The following TTLL11 variants were observed in gnomAD, a reference collection of about 807,000 sequenced individuals.
TTLL11 encodes the protein tubulin tyrosine ligase like 11.
TTLL11 carries 42 observed loss-of-function variants against 51.7 expected under a neutral mutation model. The ratio of observed to expected loss-of-function variants is 0.81; its 90% confidence interval spans 0.64 to 1.05. TTLL11 has a LOEUF of 1.05. Among genes scored for constraint, TTLL11 ranks in the 50% least tolerant of loss-of-function variants. The pLI, the probability that TTLL11 is intolerant of heterozygous loss-of-function variation, is 0.00. For missense variants in TTLL11, 799 were observed against 940.4 expected, an observed-to-expected ratio of 0.85 and a Z score of 1.97; for synonymous variants, 381 against 383.5, an observed-to-expected ratio of 0.99 and a Z score of 0.08.
intron 3 of TTLL11, among the ~76,000 whole-genome samples, chr9:122,010,479 A>C (rs1003691711): frequency 1.3e-4 from 20 of 152,186 alleles, no homozygotes; most frequent in African/African-American, 4.6e-4. Flanking sequence ...TGGATGGTCT[A>C]TGTCTGCTTT....
intron 8 of TTLL11, among the ~76,000 whole-genome samples, chr9:121,838,239 G>A (rs537898323): frequency 6.6e-6 from 1 of 152,210 alleles, no homozygotes; most frequent in Admixed American, 6.5e-5. Context: ...AGAAGCCTGA[G>A]GTCATTTTTG....
intron 6 of TTLL11, among the ~76,000 whole-genome samples, chr9:121,930,090 T>A (rs1840907921): frequency 6.6e-6 from 1 of 152,222 alleles, no homozygotes; most frequent in Admixed American, 6.5e-5. Context: ...ATTTGAGAGC[T>A]AGAAGAGTTC....
At chr9:121,971,433 G>A (rs1474650315) in intron 6 of TTLL11, among the ~76,000 whole-genome samples, 2 of 118,558 alleles carry the variant, frequency 1.7e-5, no homozygotes, top group African/African-American at 2.9e-5. Flanking sequence ...CGCCCCGTCC[G>A]GGAGGGAGGT....
rs144408625 is a variant in TTLL11 at position 121,996,779 on chromosome 9, G to A, written c.694-7009C>T. ...GGAATAAGTACTCTCTTTCATTCTC[G>A]TTCTGAACACATTTGTTTGCTGCTA... is the stretch of plus-strand genomic sequence containing the variant. On this transcript the variant is annotated intron_variant, in intron 3 of 8. Coordinates refer to ENST00000321582, the MANE Select transcript of TTLL11 (RefSeq NM_001139442.2). Among the ~76,000 whole-genome samples, 195 of 152,252 alleles carry A rather than the reference G, an allele frequency of 1.3e-3. No individual in the cohort carries two copies. The South Asian group carries it at 0.013, about 10-fold the overall frequency.
intron 3 of TTLL11, among the ~76,000 whole-genome samples, chr9:122,029,800 C>T (rs894435484): frequency 6.6e-6 from 1 of 152,178 alleles, no homozygotes; most frequent in Non-Finnish European, 1.5e-5. Flanking sequence ...TTACCATTCA[C>T]TCACAGACTC....
intron 6 of TTLL11, among the ~76,000 whole-genome samples, chr9:121,940,337 TTC>T (rs1017525847): frequency 7.0e-6 from 1 of 143,504 alleles, no homozygotes; most frequent in African/African-American, 2.7e-5. Flanking sequence ...ATCTATAACT[TTC>T]TCTCTTTTTT....
chr9:122,059,882 G>A (rs367901870), intron 1 of TTLL11, among the ~76,000 whole-genome samples: 45 of 152,294 alleles, frequency 3.0e-4, no homozygotes, highest in African/African-American at 1.0e-3. Flanking sequence ...GCGGGACTGA[G>A]ATCCTTATTT....
intron 8 of TTLL11, among the ~76,000 whole-genome samples, chr9:121,854,685 C>T (rs115338647): frequency 0.017 from 2,543 of 152,226 alleles, 73 homozygotes; most frequent in African/African-American, 0.056. Context: ...TCTCTTACCA[C>T]GGAGATGTGA....
Position 121,989,398 on chromosome 9 carries a change from G to T in TTLL11, c.1066C>A (p.His356Asn), listed in dbSNP as rs1483691928. ...CTGCCAGTGCTAGCACTGTCCGAGT[G>T]GATGAAGTTGCCGCTGTGGATGTTC... is the stretch of plus-strand genomic sequence containing the variant. ...SLNIHSGNFI[H>N]SDSASTGSKR... is the part of the protein sequence containing the mutation. The change falls in exon 4 of 9, where the codon CAC (histidine) becomes AAC (asparagine). Residue 356 changes from histidine to asparagine, a missense_variant. Physicochemically the swap from His to Asn is moderately conservative, Grantham distance 68. This residue lies in a region of TTLL11 where 468 missense variants were observed against 612.8 expected (regional missense o/e 0.76). Transcript: ENST00000321582. This position sits in a 1 kb window ranked among gnomAD's most constrained non-coding sequence, Gnocchi z 4.2. 6.2e-7 allele frequency: 1 copy of T among 1,614,172 alleles called. No individual in the cohort carries two copies. The highest frequency in any genetic ancestry group is 2.2e-5 in the East Asian group (1 of 44,876).
intron 3 of TTLL11, among the ~76,000 whole-genome samples, chr9:122,011,328 T>G (rs4620347): frequency 0.44 from 66,613 of 151,976 alleles, 17,724 homozygotes; most frequent in East Asian, 0.61. Flanking sequence ...ATAGCCTTAT[T>G]TTATTCTCCT....
intron 1 of TTLL11, among the ~76,000 whole-genome samples, chr9:122,042,019 T>G (rs917534476): frequency 6.6e-5 from 10 of 151,782 alleles, no homozygotes; most frequent in African/African-American, 2.4e-4. Context: ...TTCCTTTTTT[T>G]TTTTTTTTGA....
At chr9:121,882,641 T>C (rs1353094860) in intron 6 of TTLL11, among the ~76,000 whole-genome samples, 2 of 152,148 alleles carry the variant, frequency 1.3e-5, no homozygotes, top group Admixed American at 6.5e-5. Context: ...ACAGTCTTCC[T>C]GGGCGTTCTT....
Position 121,860,416 on chromosome 9 carries a change from C to T in TTLL11, c.1761G>A (p.Leu587=). The change falls in exon 8 of 9, where the codon CTG becomes CTA. Residue 587 remains leucine, a synonymous_variant. Coordinates refer to ENST00000321582, the MANE Select transcript of TTLL11 (RefSeq NM_001139442.2). The stretch of plus-strand genomic sequence containing the variant: ...AGAGGATGTCCACGGCAGCCATGGA[C>T]AGGCTGCTGCTGCTGAGTTTGCAGC... ...IRSCKLSSSS[L]SMAAVDILYI... is the part of the protein sequence containing the mutation. 2 of 1,551,316 alleles carry T rather than the reference C, an allele frequency of 1.3e-6. No homozygotes were observed. Among genetic ancestry groups the T allele is most frequent in the Non-Finnish European group, 8.7e-7 (1 of 1,146,950 alleles).
intron 4 of TTLL11, among the ~76,000 whole-genome samples, chr9:121,975,491 C>G (rs982624045): frequency 5.3e-5 from 8 of 152,156 alleles, no homozygotes; most frequent in African/African-American, 1.7e-4. Flanking sequence ...GCAGGCAGAT[C>G]ACCTGAGGTC....
intron 8 of TTLL11, among the ~76,000 whole-genome samples, chr9:121,831,051 G>T (rs989934772): frequency 6.6e-6 from 1 of 152,172 alleles, no homozygotes; most frequent in Non-Finnish European, 1.5e-5. Flanking sequence ...ATGGTCCGAG[G>T]GTAGTGCCAG....
At chr9:121,909,211 A>G in intron 6 of TTLL11, among the ~76,000 whole-genome samples, 1 of 152,208 alleles carries the variant, frequency 6.6e-6, no homozygotes, top group Admixed American at 6.5e-5. Context: ...GAGGGTTGTG[A>G]CCAACTCAGC....
chr9:121,892,792 C>T (rs552678472), intron 6 of TTLL11, among the ~76,000 whole-genome samples: 21 of 152,324 alleles, frequency 1.4e-4, no homozygotes, highest in African/African-American at 5.1e-4. Context: ...AAGTGAGGTC[C>T]CCTTTGTCGT....
intron 1 of TTLL11, among the ~76,000 whole-genome samples, chr9:122,090,627 C>T (rs1467795290): frequency 3.3e-5 from 5 of 152,334 alleles, no homozygotes; most frequent in Admixed American, 3.3e-4. Context: ...CACAGAAACA[C>T]TCATCACATA....
intron 6 of TTLL11, among the ~76,000 whole-genome samples, chr9:121,891,965 T>G (rs1414826308): frequency 6.9e-6 from 1 of 144,994 alleles, no homozygotes; most frequent in South Asian, 2.1e-4. Context: ...ATGAGATATA[T>G]ATATCTTATA....
Sources: allele counts gnomAD v4.1 joint callset (sites outside exome capture counted in the v4.1 genomes callset), GRCh38; gene constraint gnomAD v4.1.1; regional missense constraint gnomAD v4.1.1; non-coding constraint Gnocchi (gnomAD v3.1); transcripts MANE v1.5; gene names NCBI Gene and HGNC (gene_info 2026-07-23, HGNC 2026-07-21).